The following UEVLD variants were observed in gnomAD, a reference collection of about 807,000 sequenced individuals.
UEVLD encodes ubiquitin-conjugating enzyme E2 variant 3.
In UEVLD, 47 loss-of-function variants were observed where a neutral mutation model predicts 58.6. That is an observed-to-expected ratio of 0.80 (90% CI 0.63 to 1.02). UEVLD has a LOEUF of 1.02. UEVLD is among the 50% of genes least tolerant of loss of function. The probability of loss-of-function intolerance (pLI) is 0.00; values close to 1 mark genes in which losing one functional copy is unlikely to be tolerated. For synonymous variants in UEVLD, 197 were observed against 195.3 expected, an observed-to-expected ratio of 1.01 and a Z score of -0.07; for missense variants, 510 against 550.6, an observed-to-expected ratio of 0.93 and a Z score of 0.74.
chr11:18,545,878 A>G (rs1287540467), intron 8 of UEVLD, among the ~76,000 whole-genome samples: 1 of 140,356 alleles, frequency 7.1e-6, no homozygotes, highest in African/African-American at 2.5e-5. Context: ...TTTTACATCT[A>G]TCTATCTTAA....
chr11:18,536,727 A>G (rs1200061767), intron 9 of UEVLD: 3 of 402,784 alleles, frequency 7.4e-6, no homozygotes, highest in Non-Finnish European at 1.4e-5. Context: ...TCTCATCAGT[A>G]ACAGTTCTGC....
chr11:18,579,788 C>G (rs149150507), intron 1 of UEVLD, among the ~76,000 whole-genome samples: 2 of 152,022 alleles, frequency 1.3e-5, no homozygotes, highest in African/African-American at 4.8e-5. Flanking sequence ...TAAGAGTTTA[C>G]CATTCTGAAA....
intron 9 of UEVLD, 110 bp from the exon 10 acceptor site, chr11:18,536,579 T>G (rs925055818): frequency 1.1e-5 from 10 of 899,148 alleles, no homozygotes; most frequent in Non-Finnish European, 1.0e-5. Context: ...TATATAGAAG[T>G]TTTCTCATTT....
At chr11:18,585,626 CTTCT>C (rs754301222) in intron 1 of UEVLD, among the ~76,000 whole-genome samples, 68 of 149,862 alleles carry the variant, frequency 4.5e-4, no homozygotes, top group African/African-American at 1.5e-3. Flanking sequence ...CTATTCTTTC[CTTCT>C]TTATTATTAT....
intron 3 of UEVLD, chr11:18,570,807 TTAA>T (rs1852564782): frequency 6.7e-6 from 1 of 150,160 alleles, no homozygotes; most frequent in African/African-American, 2.5e-5. Context: ...ATATAAAGGA[TTAA>T]TGTTAATCAA....
At chr11:18,548,804 C>T (rs1347583160) in intron 7 of UEVLD, among the ~76,000 whole-genome samples, 1 of 152,212 alleles carries the variant, frequency 6.6e-6, no homozygotes, top group Non-Finnish European at 1.5e-5. Context: ...TCTAATTTTA[C>T]TTCCTATTCT....
At chr11:18,580,000 A>G (rs1464812685) in intron 1 of UEVLD, among the ~76,000 whole-genome samples, 2 of 150,858 alleles carry the variant, frequency 1.3e-5, no homozygotes, top group Non-Finnish European at 2.9e-5. Context: ...TTTCCTCAAC[A>G]GATTCAACAT....
intron 2 of UEVLD, among the ~76,000 whole-genome samples, chr11:18,577,187 AAACC>A (rs952193954): frequency 1.3e-5 from 2 of 152,200 alleles, no homozygotes; most frequent in African/African-American, 2.4e-5. Flanking sequence ...ACGTCTCAAC[AAACC>A]AACCAACCAA....
chr11:18,547,579 A>G (rs1851355660), intron 7 of UEVLD, among the ~76,000 whole-genome samples: 1 of 152,174 alleles, frequency 6.6e-6, no homozygotes. Context: ...TAATAATCAA[A>G]ATAAATTATG....
chr11:18,586,418 T>C (rs1456057068), intron 1 of UEVLD, among the ~76,000 whole-genome samples: 5 of 152,156 alleles, frequency 3.3e-5, no homozygotes, highest in African/African-American at 7.2e-5. Context: ...GGTTTCACCA[T>C]GTTGGACAGG....
intron 7 of UEVLD, among the ~76,000 whole-genome samples, chr11:18,551,613 A>C (rs1851533856): frequency 6.6e-6 from 1 of 152,156 alleles, no homozygotes; most frequent in Non-Finnish European, 1.5e-5. Context: ...GGGCTTCAGA[A>C]TGAGACCGCC....
chr11:18,565,063 T>A (rs986722079), intron 5 of UEVLD, 53 bp from the exon 6 acceptor site: 3 of 1,378,210 alleles, frequency 2.2e-6, no homozygotes, highest in East Asian at 2.3e-5. Flanking sequence ...AGAATTTTTT[T>A]AGGATCTTTA....
chr11:18,585,154 G>A (rs1853477780), intron 1 of UEVLD, among the ~76,000 whole-genome samples: 1 of 152,108 alleles, frequency 6.6e-6, no homozygotes, highest in African/African-American at 2.4e-5. Context: ...GCCTCCCAAA[G>A]TGCTGAGATT....
chr11:18,552,048 A>G (rs183748193), intron 7 of UEVLD, among the ~76,000 whole-genome samples: 71 of 152,332 alleles, frequency 4.7e-4, no homozygotes, highest in African/African-American at 1.7e-3. Context: ...TAGCTACTCT[A>G]TCAGTCTGAA....
chr11:18,550,901 A>C (rs1437794679), intron 7 of UEVLD, among the ~76,000 whole-genome samples: 1 of 152,170 alleles, frequency 6.6e-6, no homozygotes, highest in Non-Finnish European at 1.5e-5. Context: ...TTAAATATAT[A>C]AGGGGAAATA....
At chr11:18,583,797 G>T (rs1590380194) in intron 1 of UEVLD, among the ~76,000 whole-genome samples, 1 of 151,842 alleles carries the variant, frequency 6.6e-6, no homozygotes, top group African/African-American at 2.4e-5. Flanking sequence ...GAGTAGCTGG[G>T]ATTACAGGCA....
At chr11:18,575,201 C>T in intron 3 of UEVLD, 146 bp downstream of exon 3, 1 of 779,922 alleles carries the variant, frequency 1.3e-6, no homozygotes, top group Non-Finnish European at 2.0e-6. Flanking sequence ...ACAGGCCTTC[C>T]TTGACTGGAA....
At chr11:18,552,533 C>T (rs562313047) in intron 7 of UEVLD, among the ~76,000 whole-genome samples, 2 of 150,586 alleles carry the variant, frequency 1.3e-5, no homozygotes, top group South Asian at 2.1e-4. Flanking sequence ...AGCAACCGAG[C>T]GAGACTGTCT....
At chr11:18,537,020 C>T (rs1312785996) in intron 9 of UEVLD, among the ~76,000 whole-genome samples, 3 of 151,008 alleles carry the variant, frequency 2.0e-5, no homozygotes, top group East Asian at 2.0e-4. Flanking sequence ...CTCAGCCTCC[C>T]GAGTAGCTGG....
Sources: allele counts gnomAD v4.1 joint callset (sites outside exome capture counted in the v4.1 genomes callset), GRCh38; gene constraint gnomAD v4.1.1; transcripts MANE v1.5; gene names NCBI Gene and HGNC (gene_info 2026-07-23, HGNC 2026-07-21).